Variants in GRIK4 observed in about 807,000 individuals in gnomAD.
The protein encoded by GRIK4 is glutamate receptor ionotropic, kainate 4.
GRIK4 carries 40 observed loss-of-function variants against 104.9 expected under a neutral mutation model. The observed-to-expected ratio is 0.38, with a 90% CI of 0.30 to 0.50. The LOEUF (loss-of-function observed/expected upper bound fraction) is 0.50. GRIK4 is among the 20% of genes least tolerant of loss of function. GRIK4 has a pLI of 0.93. For synonymous variants in GRIK4, 485 were observed against 524.9 expected (o/e 0.92, Z 1.04); for missense variants, 1,047 against 1,308.1 (o/e 0.80, Z 3.08).
At position 120,986,478 on chromosome 11, in the gene GRIK4, G is replaced by A. The variant is rs934891309; in HGVS notation, c.*218G>A. The A allele has an allele frequency of 6.6e-5, 38 of 579,720 alleles. No homozygotes were observed. In the South Asian group the frequency reaches 8.5e-4, roughly 13 times the overall value. The allele number at this position is 579,720 out of a possible 1,614,324, so 35.9% of individuals were successfully genotyped here. ...CCACCCGGAAACGTTGCACCCAAAGGGCAAAGGACGGCCCTCCCTCCTGGG... is the reference window on the plus strand; with the variant it reads ...CCACCCGGAAACGTTGCACCCAAAGAGCAAAGGACGGCCCTCCCTCCTGGG... On this transcript the variant is annotated 3_prime_UTR_variant, in exon 21 of 21. Transcript: ENST00000527524.
At chr11:120,901,137 G>A (rs966462844) in intron 12 of GRIK4, among the ~76,000 whole-genome samples, 5 of 152,130 alleles carry the variant, frequency 3.3e-5, no homozygotes, top group South Asian at 4.1e-4. Flanking sequence ...TCCTGTCAGC[G>A]TGGTCATTTG....
intron 8 of GRIK4, among the ~76,000 whole-genome samples, chr11:120,847,529 T>C (rs552029016): frequency 3.0e-4 from 46 of 152,258 alleles, no homozygotes; most frequent in African/African-American, 9.9e-4. Flanking sequence ...TGGGAGTTAG[T>C]CAGGTAGAGA....
In GRIK4 at chr11:120,559,652, A is replaced by G. The variant is rs1591693992; in HGVS notation, c.-159+47765A>G. Among the ~76,000 whole-genome samples the G allele has an allele frequency of 2.0e-5, 3 of 152,362 alleles. No homozygotes were observed. In the South Asian group the frequency reaches 6.2e-4, roughly 32 times the overall value. On this transcript the variant is annotated intron_variant, in intron 1 of 20. Coordinates refer to ENST00000527524, the MANE Select transcript of GRIK4 (RefSeq NM_014619.5). ...ACTCAGGGTCATTATTATAAACACC[A>G]GCTACTACCTGTGCACTAATAGACA...
intron 1 of GRIK4, among the ~76,000 whole-genome samples, chr11:120,544,801 G>C (rs1411218228): frequency 6.6e-6 from 1 of 152,094 alleles, no homozygotes; most frequent in Non-Finnish European, 1.5e-5. Flanking sequence ...TGGATAAGGA[G>C]GGTTAGAAAG....
intron 1 of GRIK4, among the ~76,000 whole-genome samples, chr11:120,580,476 A>G (rs562198691): frequency 1.3e-5 from 2 of 152,028 alleles, no homozygotes; most frequent in South Asian, 2.1e-4. Context: ...GGGTTTCTCC[A>G]TGTTGGCCAG....
chr11:120,885,980 T>G (rs1277492145), intron 11 of GRIK4, among the ~76,000 whole-genome samples: 2 of 152,204 alleles, frequency 1.3e-5, no homozygotes, highest in Admixed American at 6.5e-5. Context: ...AAATTCTGCT[T>G]CTTATGCCAG....
intron 1 of GRIK4, among the ~76,000 whole-genome samples, chr11:120,547,267 G>GGCTCTTGGCATCTTAGATTTTGA (rs1368931574): frequency 2.6e-5 from 4 of 152,146 alleles, no homozygotes; most frequent in Non-Finnish European, 5.9e-5. Flanking sequence ...CCTCTATCGT[G>GGCTCTTGGCATCTTAGATTTTGA]GCTCTTGGCA....
In GRIK4 at chr11:120,642,478, A is replaced by ATT. The variant is rs35142789; in HGVS notation, c.-158-11192_-158-11191dup. Among the ~76,000 whole-genome samples, 179 of 140,502 alleles carry ATT rather than the reference A, an allele frequency of 1.3e-3. 1 individual carries two copies. The highest frequency in any genetic ancestry group is 4.3e-3 in the African/African-American group (166 of 38,288). 92.2% of individuals were successfully genotyped at this position (140,502 alleles called of 152,430 possible). A position where few individuals can be genotyped will look rare whatever the true frequency, so the allele number is the denominator to read the frequency against. On this transcript the variant is annotated intron_variant, in intron 1 of 20. Transcript: ENST00000527524. Reference sequence around the variant, plus strand: ...GTTAAGTCATTTTCCCTCTCTGGGCATTTTTTTTTTTTTTTTGTATCTGTG... The same window carrying ATT: ...GTTAAGTCATTTTCCCTCTCTGGGCATTTTTTTTTTTTTTTTTTGTATCTGTG...
At chr11:120,867,052 C>A (rs1460142277) in intron 9 of GRIK4, among the ~76,000 whole-genome samples, 1 of 152,030 alleles carries the variant, frequency 6.6e-6, no homozygotes, top group South Asian at 2.1e-4. Context: ...GGTCAGCACT[C>A]CAATATAACC....
At chr11:120,786,133 C>G (rs1282613410) in intron 3 of GRIK4, among the ~76,000 whole-genome samples, 1 of 152,176 alleles carries the variant, frequency 6.6e-6, no homozygotes, top group African/African-American at 2.4e-5. Context: ...GCCCCATCAT[C>G]ATCAGTGTCC....
intron 13 of GRIK4, among the ~76,000 whole-genome samples, chr11:120,912,577 T>A (rs1943023766): frequency 6.6e-6 from 1 of 152,134 alleles, no homozygotes; most frequent in African/African-American, 2.4e-5. Context: ...AGGGGGTGGC[T>A]GGATTGAGGT....
chr11:120,627,517 C>T (rs1949276776), intron 1 of GRIK4, among the ~76,000 whole-genome samples: 1 of 152,210 alleles, frequency 6.6e-6, no homozygotes, highest in East Asian at 1.9e-4. Context: ...CCTCCCCTTC[C>T]CTGCTCAACC....
At chr11:120,955,515 G>A (rs1033526747) in intron 15 of GRIK4, among the ~76,000 whole-genome samples, 6 of 152,212 alleles carry the variant, frequency 3.9e-5, no homozygotes, top group African/African-American at 1.4e-4. Flanking sequence ...CGTCAGAGCT[G>A]GAAGGCTTTG....
chr11:120,639,364 G>A (rs1949441427), intron 1 of GRIK4, among the ~76,000 whole-genome samples: 1 of 152,204 alleles, frequency 6.6e-6, no homozygotes, highest in East Asian at 1.9e-4. Flanking sequence ...AGCTCTGGAT[G>A]GGAGAATCCC....
chr11:120,721,177 C>T (rs554572429), intron 3 of GRIK4, among the ~76,000 whole-genome samples: 2 of 152,110 alleles, frequency 1.3e-5, no homozygotes, highest in East Asian at 1.9e-4. Context: ...TTGGGAGCTA[C>T]GGGGAGTGGT....
At chr11:120,925,322 G>A (rs554230086) in intron 13 of GRIK4, among the ~76,000 whole-genome samples, 23 of 152,236 alleles carry the variant, frequency 1.5e-4, no homozygotes, top group East Asian at 3.9e-4. Flanking sequence ...TGGCACTGTC[G>A]GGCTCCTACA....
chr11:120,934,380 A>C (rs1419998096), intron 13 of GRIK4, among the ~76,000 whole-genome samples: 1 of 151,510 alleles, frequency 6.6e-6, no homozygotes, highest in Non-Finnish European at 1.5e-5. Flanking sequence ...CCGTTAGACC[A>C]CTCCTCATGC....
rs555729689 is a variant in GRIK4 at position 120,939,437 on chromosome 11, G to A, written c.1477-910G>A. 5.9e-5 allele frequency among the ~76,000 whole-genome samples: 9 copies of A among 152,320 alleles called. No individual in the cohort carries two copies. Among genetic ancestry groups the A allele is most frequent in the Non-Finnish European group, 1.3e-4 (9 of 68,028 alleles). On this transcript the variant is annotated intron_variant, in intron 13 of 20. Coordinates refer to ENST00000527524, the MANE Select transcript of GRIK4 (RefSeq NM_014619.5). This position sits in a 1 kb window ranked among gnomAD's most constrained non-coding sequence, Gnocchi z 5.6. ...ACATCTGAAGTTTCACCTGGACAGC[G>A]ACATAAGTGGCCAGTGATCCAGGAG...
chr11:120,749,548 G>A (rs1195567762), intron 3 of GRIK4, among the ~76,000 whole-genome samples: 1 of 152,226 alleles, frequency 6.6e-6, no homozygotes, highest in Non-Finnish European at 1.5e-5. Context: ...AAGAGAAGGT[G>A]CAAGACAGAG....
Sources: gnomAD v4.1 joint callset for allele counts (sites outside exome capture counted in the v4.1 genomes callset) on GRCh38, gnomAD v4.1.1 for gene constraint, Gnocchi (gnomAD v3.1) non-coding constraint, MANE v1.5 for transcripts, NCBI Gene and HGNC (gene_info 2026-07-23, HGNC 2026-07-21) for gene names.